Variants in COBL observed in about 807,000 individuals in gnomAD.
COBL encodes cordon-bleu WH2 repeat protein, also known as protein cordon-bleu.
Under a neutral mutation model 98.8 loss-of-function variants are expected in COBL, and 51 were observed. The observed-to-expected ratio is 0.52, with a 90% CI of 0.41 to 0.65. COBL has a LOEUF of 0.65. COBL is among the 30% of genes least tolerant of loss of function. COBL has a pLI of 0.00. For missense variants in COBL, 1,617 were observed against 1,617.5 expected (o/e 1.00, Z 0.01); for synonymous variants, 634 against 651.7 (o/e 0.97, Z 0.41).
rs1279847026 is a variant in COBL, at chr7:51,157,014, G to C, written c.784-20683C>G. ...GCCCTCTGACTCTACCTCCTCGCCA[G>C]GGCCTCAGGCTTGATTCTCCTATTG... On this transcript the variant is annotated intron_variant, in intron 5 of 12. Coordinates refer to ENST00000265136, the MANE Select transcript of COBL (RefSeq NM_015198.5). 2.0e-5 allele frequency among the ~76,000 whole-genome samples: 3 copies of C among 152,142 alleles called. No homozygotes were observed. In the East Asian group the frequency reaches 5.8e-4, roughly 29 times the overall value.
At chr7:51,061,900 A>G (rs1435116861) in intron 7 of COBL, among the ~76,000 whole-genome samples, 1 of 151,348 alleles carries the variant, frequency 6.6e-6, no homozygotes, top group African/African-American at 2.4e-5. Context: ...CTTGGTTTCT[A>G]TAATTACACA....
chr7:51,099,802 C>T (rs1057460567), intron 6 of COBL, among the ~76,000 whole-genome samples: 5 of 152,124 alleles, frequency 3.3e-5, no homozygotes, highest in Admixed American at 2.0e-4. Flanking sequence ...AGCTCACATT[C>T]GGTTTGTGAT....
At chr7:51,109,935 C>T (rs867370749) in intron 6 of COBL, among the ~76,000 whole-genome samples, 1 of 152,044 alleles carries the variant, frequency 6.6e-6, no homozygotes, top group Non-Finnish European at 1.5e-5. Flanking sequence ...ATGACACAGG[C>T]GAGAGCAAGG....
At chr7:51,118,318 G>C (rs1797457425) in intron 6 of COBL, among the ~76,000 whole-genome samples, 1 of 151,922 alleles carries the variant, frequency 6.6e-6, no homozygotes, top group Admixed American at 6.6e-5. Context: ...CTCTGCTCAG[G>C]GTCTCACAAG....
intron 5 of COBL, among the ~76,000 whole-genome samples, chr7:51,154,568 G>C (rs182970151): frequency 6.6e-6 from 1 of 152,126 alleles, no homozygotes; most frequent in South Asian, 2.1e-4. Flanking sequence ...GCCTCTGTAC[G>C]AATAACTCCC....
chr7:51,138,391 A>G (rs1253586070), intron 5 of COBL, among the ~76,000 whole-genome samples: 1 of 152,202 alleles, frequency 6.6e-6, no homozygotes, highest in Non-Finnish European at 1.5e-5. Flanking sequence ...CTCAAGATTT[A>G]TTTAACCCTG....
rs116333211 is a variant in COBL at position 51,261,545 on chromosome 7, T to C, written c.42-41601A>G. On this transcript the variant is annotated intron_variant, in intron 1 of 12. Coordinates refer to ENST00000265136, the MANE Select transcript of COBL (RefSeq NM_015198.5). ...TTCGTCTGAGCTAAGAACACAGCAG[T>C]GTGATGACATGTTTGGTGGAGAGCT... 3.8e-3 allele frequency among the ~76,000 whole-genome samples: 581 copies of C among 152,232 alleles called. 5 individuals carry two copies. Among genetic ancestry groups the C allele is most frequent in the African/African-American group, 0.013 (533 of 41,540 alleles).
intron 1 of COBL, among the ~76,000 whole-genome samples, chr7:51,296,643 G>C (rs1379184399): frequency 6.6e-6 from 1 of 152,130 alleles, no homozygotes; most frequent in Non-Finnish European, 1.5e-5. Context: ...TTACGGAATA[G>C]TTTTTGTTTC....
intron 5 of COBL, among the ~76,000 whole-genome samples, chr7:51,144,828 A>G (rs1227718604): frequency 6.6e-6 from 1 of 152,246 alleles, no homozygotes; most frequent in Non-Finnish European, 1.5e-5. Context: ...GCTTTCACTT[A>G]GCATAATGTT....
At chr7:51,127,244 CGT>C (rs1798300195) in intron 6 of COBL, among the ~76,000 whole-genome samples, 2 of 152,178 alleles carry the variant, frequency 1.3e-5, no homozygotes, top group Non-Finnish European at 2.9e-5. Flanking sequence ...AAGTCACAAA[CGT>C]GAGCTACACC....
chr7:51,103,491 C>T (rs988170389), intron 6 of COBL, among the ~76,000 whole-genome samples: 6 of 152,060 alleles, frequency 3.9e-5, no homozygotes, highest in African/African-American at 1.2e-4. Flanking sequence ...GGGTTCTCTC[C>T]GCCCTTTTTT....
chr7:51,105,439 C>T (rs1249726853), intron 6 of COBL, among the ~76,000 whole-genome samples: 1 of 152,146 alleles, frequency 6.6e-6, no homozygotes, highest in Non-Finnish European at 1.5e-5. Flanking sequence ...ATGCCTACTG[C>T]AGGGTTGGTG....
chr7:51,285,829 G>C (rs1056584136), intron 1 of COBL, among the ~76,000 whole-genome samples: 3 of 152,176 alleles, frequency 2.0e-5, no homozygotes, highest in African/African-American at 7.2e-5. Context: ...ACATTACATA[G>C]CCTTAAGACT....
intron 8 of COBL, among the ~76,000 whole-genome samples, chr7:51,037,640 C>T (rs1788771827): frequency 6.6e-6 from 1 of 152,126 alleles, no homozygotes; most frequent in Non-Finnish European, 1.5e-5. Flanking sequence ...TTCTATTATT[C>T]CTGTTCAGAT....
chr7:51,144,079 G>C (rs901855908), intron 5 of COBL, among the ~76,000 whole-genome samples: 1 of 152,150 alleles, frequency 6.6e-6, no homozygotes, highest in African/African-American at 2.4e-5. Flanking sequence ...AGCATTGCTG[G>C]GACTGTCCCA....
chr7:51,154,571 T>TA, intron 5 of COBL, among the ~76,000 whole-genome samples: 1 of 152,290 alleles, frequency 6.6e-6, no homozygotes, highest in South Asian at 2.1e-4. Context: ...TCTGTACGAA[T>TA]AACTCCCGGT....
At chr7:51,234,491 A>G (rs1396025689) in intron 1 of COBL, among the ~76,000 whole-genome samples, 1 of 152,202 alleles carries the variant, frequency 6.6e-6, no homozygotes, top group African/African-American at 2.4e-5. Context: ...ACTTGAGCTT[A>G]GGAGTTCGAG....
chr7:51,037,105 G>A (rs943018258), intron 8 of COBL, among the ~76,000 whole-genome samples: 6 of 151,754 alleles, frequency 4.0e-5, no homozygotes, highest in Non-Finnish European at 7.4e-5. Context: ...GCACATATAC[G>A]CATGCACACA....
chr7:51,108,557 G>A (rs1242068903), intron 6 of COBL, among the ~76,000 whole-genome samples: 3 of 152,196 alleles, frequency 2.0e-5, no homozygotes, highest in Non-Finnish European at 4.4e-5. Flanking sequence ...TGATTGTTTA[G>A]AAATCCTTAT....
Sources: gnomAD v4.1 joint callset for allele counts (sites outside exome capture counted in the v4.1 genomes callset) on GRCh38, gnomAD v4.1.1 for gene constraint, MANE v1.5 for transcripts, NCBI Gene and HGNC (gene_info 2026-07-23, HGNC 2026-07-21) for gene names.